Variants in FBXL13 observed in about 807,000 individuals in gnomAD.
FBXL13 encodes the protein F-box and leucine-rich repeat protein 13.
FBXL13 carries 67 observed loss-of-function variants against 83.6 expected under a neutral mutation model. The observed-to-expected ratio is 0.80, with a 90% confidence interval of 0.66 to 0.98. FBXL13 has a LOEUF of 0.98. Among genes scored for constraint, FBXL13 ranks in the 50% least tolerant of loss-of-function variants. The pLI is 0.00. For synonymous variants in FBXL13, 272 were observed against 299.5 expected, an observed-to-expected ratio of 0.91 and a Z score of 0.95; for missense variants, 822 against 866.5, an observed-to-expected ratio of 0.95 and a Z score of 0.64.
intron 11 of FBXL13, among the ~76,000 whole-genome samples, chr7:102,897,138 T>C (rs947996976): frequency 4.6e-5 from 7 of 151,748 alleles, no homozygotes; most frequent in Non-Finnish European, 1.0e-4. Flanking sequence ...TATGTGTGTA[T>C]CTATATGAGG....
At chr7:102,846,995 G>T (rs1804104127) in intron 17 of FBXL13, among the ~76,000 whole-genome samples, 1 of 151,998 alleles carries the variant, frequency 6.6e-6, no homozygotes, top group South Asian at 2.1e-4. Flanking sequence ...AGCAACAGAA[G>T]AATAATATTT....
intron 16 of FBXL13, among the ~76,000 whole-genome samples, chr7:102,860,488 G>A (rs1806649911): frequency 6.6e-6 from 1 of 152,210 alleles, no homozygotes; most frequent in Non-Finnish European, 1.5e-5. Context: ...TTGGGAAGTA[G>A]TTCAGTTTGG....
At chr7:102,896,534 G>A (rs1371604550) in intron 11 of FBXL13, among the ~76,000 whole-genome samples, 1 of 152,174 alleles carries the variant, frequency 6.6e-6, no homozygotes, top group African/African-American at 2.4e-5. Context: ...CCACAAACTG[G>A]ATGGCTTCAA....
chr7:102,946,025 G>T (rs1299547963), intron 8 of FBXL13, among the ~76,000 whole-genome samples: 1 of 152,102 alleles, frequency 6.6e-6, no homozygotes, highest in African/African-American at 2.4e-5. Flanking sequence ...GGTATTACAG[G>T]TGCTCACCAC....
intron 8 of FBXL13, chr7:102,939,317 T>A: frequency 1.2e-6 from 1 of 841,490 alleles, no homozygotes; most frequent in Non-Finnish European, 1.8e-6. Flanking sequence ...GCTTTAGATA[T>A]CCCTTTACCC....
intron 10 of FBXL13, among the ~76,000 whole-genome samples, chr7:102,915,216 T>C (rs1244150323): frequency 1.3e-5 from 2 of 151,598 alleles, no homozygotes; most frequent in Admixed American, 6.6e-5. Context: ...TGTAATCTGG[T>C]CTGCTTGTTC....
intron 19 of FBXL13, among the ~76,000 whole-genome samples, chr7:102,814,146 G>T (rs1410545897): frequency 2.0e-5 from 3 of 152,110 alleles, no homozygotes; most frequent in Non-Finnish European, 4.4e-5. Context: ...AAAAAAGTAG[G>T]TCTAACTTGA....
exon 4 of FBXL13, chr7:103,028,715 A>G (rs1363834557): frequency 6.2e-7 from 1 of 1,600,766 alleles, no homozygotes; most frequent in Admixed American, 1.7e-5. Context: ...CCAGGACGAC[A>G]TTTTCATTTG....
intron 8 of FBXL13, among the ~76,000 whole-genome samples, chr7:102,935,688 T>C (rs1313608965): frequency 6.6e-6 from 1 of 151,860 alleles, no homozygotes; most frequent in African/African-American, 2.4e-5. Flanking sequence ...TCTCAAAGAG[T>C]GGTCTGGGAA....
chr7:103,044,531 A>T (rs558969880), intron 2 of FBXL13, among the ~76,000 whole-genome samples: 23 of 152,272 alleles, frequency 1.5e-4, no homozygotes, highest in African/African-American at 5.5e-4. Context: ...GTATAATATA[A>T]TTTCTGGGAT....
chr7:102,912,333 T>C (rs987448708), intron 11 of FBXL13, among the ~76,000 whole-genome samples: 2 of 152,194 alleles, frequency 1.3e-5, no homozygotes, highest in African/African-American at 4.8e-5. Context: ...TATGCTATTA[T>C]TCTCATAGAA....
intron 10 of FBXL13, among the ~76,000 whole-genome samples, chr7:102,916,430 G>T (rs896721393): frequency 2.0e-5 from 3 of 152,112 alleles, no homozygotes; most frequent in Admixed American, 6.5e-5. Context: ...GTGACTCCTG[G>T]ATTGAAAATC....
intron 11 of FBXL13, among the ~76,000 whole-genome samples, chr7:102,904,477 GT>G (rs1403348385): frequency 6.6e-6 from 1 of 151,042 alleles, no homozygotes; most frequent in East Asian, 2.0e-4. Context: ...CCATGTTGGT[GT>G]TATTTTTTTT....
At chr7:102,840,927 GA>G (rs1369441016) in intron 17 of FBXL13, among the ~76,000 whole-genome samples, 2 of 152,186 alleles carry the variant, frequency 1.3e-5, no homozygotes, top group East Asian at 3.8e-4. Context: ...CTGTGAACCA[GA>G]GAGATCCTGG....
At chr7:103,074,766 GC>G (rs754116898), upstream of FBXL13, 50 of 1,289,758 alleles carry the variant, frequency 3.9e-5, no homozygotes, top group Non-Finnish European at 5.1e-5. Context: ...GCGTAGCGAG[GC>G]CATGGCCCAA....
chr7:102,968,218 C>G, intron 6 of FBXL13, 101 bp from the exon 8 acceptor site: 3 of 687,324 alleles, frequency 4.4e-6, no homozygotes, highest in African/African-American at 1.8e-5. Context: ...TGCGTGCACA[C>G]ACACACGCAT....
At chr7:102,892,508 A>G (rs1468177821) in intron 11 of FBXL13, among the ~76,000 whole-genome samples, 2 of 152,216 alleles carry the variant, frequency 1.3e-5, no homozygotes, top group East Asian at 3.8e-4. Flanking sequence ...TGGTTCAGAA[A>G]GGACACAAAC....
chr7:103,020,205 C>T (rs1358893675), intron 6 of FBXL13, among the ~76,000 whole-genome samples: 1 of 152,146 alleles, frequency 6.6e-6, no homozygotes, highest in African/African-American at 2.4e-5. Flanking sequence ...AGCATATAAA[C>T]AGAACCAAAG....
At chr7:102,856,557 C>T (rs1198102602) in intron 16 of FBXL13, among the ~76,000 whole-genome samples, 1 of 152,130 alleles carries the variant, frequency 6.6e-6, no homozygotes, top group South Asian at 2.1e-4. Context: ...ATGCTTACTA[C>T]TTTATTCAAA....
Sources: allele counts gnomAD v4.1 joint callset (sites outside exome capture counted in the v4.1 genomes callset), GRCh38; gene constraint gnomAD v4.1.1; transcripts MANE v1.5; gene names NCBI Gene and HGNC (gene_info 2026-07-23, HGNC 2026-07-21).